The following KCNB2 variants were observed in gnomAD, a reference collection of about 807,000 sequenced individuals.
KCNB2 encodes the protein delayed rectifier potassium channel protein.
In KCNB2, 15 loss-of-function variants were observed where a neutral mutation model predicts 61.5. The observed-to-expected ratio is 0.24, with a 90% confidence interval of 0.16 to 0.38. KCNB2 has a LOEUF of 0.38. Ranked by LOEUF, KCNB2 falls within the 10% of genes least tolerant of loss-of-function variation. The pLI is 1.00. For missense variants in KCNB2, 828 were observed against 1,125.2 expected (o/e 0.74, Z 3.78); for synonymous variants, 457 against 446.0 (o/e 1.02, Z -0.31).
chr8:72,893,446 A>AT (rs1290618544), intron 2 of KCNB2, among the ~76,000 whole-genome samples: 1 of 152,220 alleles, frequency 6.6e-6, no homozygotes, highest in Non-Finnish European at 1.5e-5. Context: ...AATAAAAAAA[A>AT]CTTCCATGTT....
intron 2 of KCNB2, among the ~76,000 whole-genome samples, chr8:72,602,585 A>C (rs576170100): frequency 6.8e-4 from 103 of 152,308 alleles, no homozygotes; most frequent in Admixed American, 3.1e-3. Context: ...TTTGCATAGT[A>C]AAATGACTGT....
intron 2 of KCNB2, among the ~76,000 whole-genome samples, chr8:72,828,240 C>T (rs1034183820): frequency 6.6e-6 from 1 of 152,112 alleles, no homozygotes; most frequent in Non-Finnish European, 1.5e-5. Context: ...ATGGGCTGAG[C>T]GCCTATGAGA....
At chr8:72,715,609 C>A (rs542835027) in intron 2 of KCNB2, among the ~76,000 whole-genome samples, 10 of 152,124 alleles carry the variant, frequency 6.6e-5, no homozygotes, top group Admixed American at 6.5e-4. Flanking sequence ...TTCTTTGAAA[C>A]CAACGAGAAC....
intron 2 of KCNB2, among the ~76,000 whole-genome samples, chr8:72,689,228 T>C (rs1207735066): frequency 1.3e-5 from 2 of 152,098 alleles, no homozygotes; most frequent in Non-Finnish European, 2.9e-5. Context: ...AGCACTGAGC[T>C]TAGCAGTATA....
chr8:72,747,305 G>T (rs1808092453), intron 2 of KCNB2, among the ~76,000 whole-genome samples: 1 of 152,166 alleles, frequency 6.6e-6, no homozygotes, highest in East Asian at 1.9e-4. Flanking sequence ...GTCCCTAGTT[G>T]CATGGTGCCT....
At chr8:72,826,763 TTCTTC>T (rs1809602730) in intron 2 of KCNB2, among the ~76,000 whole-genome samples, 1 of 152,210 alleles carries the variant, frequency 6.6e-6, no homozygotes, top group Non-Finnish European at 1.5e-5. Flanking sequence ...AAGAACTAAT[TTCTTC>T]ACTAGTCAGT....
At chr8:72,720,970 A>T (rs1027129801) in intron 2 of KCNB2, among the ~76,000 whole-genome samples, 3 of 152,212 alleles carry the variant, frequency 2.0e-5, no homozygotes, top group African/African-American at 7.2e-5. Context: ...TGTACTGTGT[A>T]GATACAATAA....
At chr8:72,568,381 A>G (rs1806660764) in intron 2 of KCNB2, 68 bp downstream of exon 2, 11 of 1,359,414 alleles carry the variant, frequency 8.1e-6, no homozygotes, top group African/African-American at 1.5e-5. Context: ...TCTAGAGAGT[A>G]TAAGTTTTTT....
intron 2 of KCNB2, among the ~76,000 whole-genome samples, chr8:72,927,123 G>A (rs1191469119): frequency 6.6e-6 from 1 of 152,140 alleles, no homozygotes; most frequent in Non-Finnish European, 1.5e-5. Flanking sequence ...TGCTGCTGGA[G>A]TGATGTGGTT....
chr8:72,814,455 C>A (rs1809357857), intron 2 of KCNB2, among the ~76,000 whole-genome samples: 1 of 152,170 alleles, frequency 6.6e-6, no homozygotes, highest in African/African-American at 2.4e-5. Context: ...TTCCCTCCAG[C>A]AGTATGTGAG....
intron 2 of KCNB2, among the ~76,000 whole-genome samples, chr8:72,744,014 C>T (rs1191281215): frequency 2.6e-5 from 4 of 151,730 alleles, no homozygotes; most frequent in East Asian, 1.9e-4. Flanking sequence ...TTTTATTGGG[C>T]GGGGGGCTTT....
At chr8:72,930,605 G>A (rs1164048234) in intron 2 of KCNB2, among the ~76,000 whole-genome samples, 13 of 152,186 alleles carry the variant, frequency 8.5e-5, no homozygotes, top group African/African-American at 2.4e-4. Context: ...CTTTTGAGAA[G>A]TGTCTGTTCA....
At chr8:72,778,760 A>AAAAAAAAG (rs1808704479) in intron 2 of KCNB2, among the ~76,000 whole-genome samples, 2 of 140,850 alleles carry the variant, frequency 1.4e-5, no homozygotes, top group African/African-American at 5.2e-5. Context: ...AAAAAAAAAA[A>AAAAAAAAG]AAAGAAAGAA....
intron 2 of KCNB2, among the ~76,000 whole-genome samples, chr8:72,715,271 G>T (rs982550970): frequency 1.1e-4 from 16 of 152,106 alleles, no homozygotes; most frequent in African/African-American, 3.4e-4. Flanking sequence ...ACGTTAACAA[G>T]GATATCCAGG....
chr8:72,656,000 G>A (rs973221941), intron 2 of KCNB2, among the ~76,000 whole-genome samples: 1 of 152,118 alleles, frequency 6.6e-6, no homozygotes, highest in African/African-American at 2.4e-5. Context: ...AGGTTTCTTA[G>A]TGGAAGAGAC....
chr8:72,862,393 G>T (rs1032820759), intron 2 of KCNB2, among the ~76,000 whole-genome samples: 3 of 152,146 alleles, frequency 2.0e-5, no homozygotes, highest in Admixed American at 6.5e-5. Context: ...GTGGCTATTA[G>T]TTAAAAGTGG....
At position 72,660,325 on chromosome 8, in the gene KCNB2, A is replaced by G. The variant is rs2128987229; in HGVS notation, c.579+92012A>G. On this transcript the variant is annotated intron_variant, in intron 2 of 2. Coordinates refer to ENST00000523207, the MANE Select transcript of KCNB2 (RefSeq NM_004770.3). ...GTGCTTTGGAGTGCCCTTGCAGAGG[A>G]TGAAGGTGGTCCGATGAAGGAATCC... Among the ~76,000 whole-genome samples, 3 of 152,262 alleles carry G rather than the reference A, an allele frequency of 2.0e-5. No homozygotes were observed. In the South Asian group the frequency reaches 6.2e-4, roughly 32 times the overall value.
chr8:72,928,191 CTTT>C (rs879676235), intron 2 of KCNB2, among the ~76,000 whole-genome samples: 12 of 134,864 alleles, frequency 8.9e-5, no homozygotes, highest in African/African-American at 8.6e-5. Flanking sequence ...CACTTTCTTT[CTTT>C]TTTTTTTTTT....
At chr8:72,651,455 A>G (rs1806209603) in intron 2 of KCNB2, among the ~76,000 whole-genome samples, 2 of 152,166 alleles carry the variant, frequency 1.3e-5, no homozygotes, top group Non-Finnish European at 2.9e-5. Flanking sequence ...ACTTACCATC[A>G]AACACTAAAA....
Sources: gnomAD v4.1 joint callset for allele counts (sites outside exome capture counted in the v4.1 genomes callset) on GRCh38, gnomAD v4.1.1 for gene constraint, MANE v1.5 for transcripts, NCBI Gene and HGNC (gene_info 2026-07-23, HGNC 2026-07-21) for gene names.